The following PIGS variants were observed in gnomAD, a reference collection of about 807,000 sequenced individuals.
PIGS encodes the protein phosphatidylinositol glycan anchor biosynthesis class S.
In PIGS, 37 loss-of-function variants were observed where a neutral mutation model predicts 58.2. The ratio of observed to expected loss-of-function variants is 0.64; its 90% CI spans 0.49 to 0.84. The LOEUF is 0.84. PIGS is among the 40% of genes least tolerant of loss of function. The pLI is 0.00. For synonymous variants in PIGS, 269 were observed against 289.2 expected, an observed-to-expected ratio of 0.93 and a Z score of 0.71; for missense variants, 629 against 710.8, an observed-to-expected ratio of 0.88 and a Z score of 1.31.
intron 6 of PIGS, among the ~76,000 whole-genome samples, chr17:28,560,877 G>A (rs762760387): frequency 4.6e-5 from 7 of 152,034 alleles, no homozygotes; most frequent in Non-Finnish European, 7.4e-5. Context: ...TCACTTGAAC[G>A]TGGGAAGCAG....
chr17:28,571,284 G>A (rs1158684395), intron 1 of PIGS, 96 bp from the exon 2 acceptor site: 4 of 1,537,952 alleles, frequency 2.6e-6, no homozygotes, highest in African/African-American at 2.7e-5. Context: ...GCCTCCAGGG[G>A]CCCGCGTTCA....
At chr17:28,556,447 C>T in intron 9 of PIGS, 181 bp from the exon 10 acceptor site, 1 of 708,276 alleles carries the variant, frequency 1.4e-6, no homozygotes. Context: ...ATCCCAATTA[C>T]CCCCTTGAAA....
rs1241081769 is a variant in PIGS at position 28,554,094 on chromosome 17, G to A, written c.*126C>T. ...GGAGTGTTGTACTTTGGTTGCTGGA[G>A]AGCCAACAGTGGAGACTGGAGACAA... On this transcript the variant is annotated 3_prime_UTR_variant, in exon 12 of 12. Transcript: ENST00000308360. 3.1e-6 allele frequency: 4 copies of A among 1,276,740 alleles called. No homozygotes were observed. The African/African-American group carries it at 4.5e-5, about 14-fold the overall frequency. 79.1% of individuals were successfully genotyped at this position (1,276,740 alleles called of 1,614,324 possible). A position where few individuals can be genotyped will look rare whatever the true frequency, so the allele number is the denominator to read the frequency against.
Position 28,571,433 on chromosome 17 carries a change from TGCAGGCCCCCCACCCG to T in PIGS, c.34+14_34+29del. The T allele has an allele frequency of 6.2e-7, 1 of 1,608,326 alleles. No homozygotes were observed. Among genetic ancestry groups the T allele is most frequent in the Non-Finnish European group, 8.5e-7 (1 of 1,177,588 alleles). On this transcript the variant is annotated intron_variant, in intron 1 of 11. Coordinates refer to ENST00000308360, the MANE Select transcript of PIGS (RefSeq NM_033198.4). ...TATTCCTCCCTTGCCATCAGCTAGC[TGCAGGCCCCCCACCCG>T]AAGCCCACCGCACCTAGGTGTGTAG... is the stretch of plus-strand genomic sequence containing the variant.
At chr17:28,570,408 G>A (rs913724768) in intron 3 of PIGS, among the ~76,000 whole-genome samples, 1 of 152,218 alleles carries the variant, frequency 6.6e-6, no homozygotes, top group African/African-American at 2.4e-5. Context: ...CTACTCGGGT[G>A]GCTGGTGCAG....
At position 28,560,099 on chromosome 17, in the gene PIGS, G is replaced by T; in HGVS notation, c.769C>A (p.Pro257Thr). 1 of 1,613,288 alleles carries T rather than the reference G, an allele frequency of 6.2e-7. No homozygotes were observed. The highest frequency in any genetic ancestry group is 8.5e-7 in the Non-Finnish European group (1 of 1,179,668). The part of the protein sequence containing the change: ...IEGAVRRYVQ[P>T]FLNALGAAGN... The stretch of plus-strand genomic sequence containing the variant: ...GCGGCACCGAGGGCATTCAGGAAAG[G>T]TTGCACATAGCGCCGGACAGCCCCC... Residue 257 changes from proline to threonine, a missense_variant, in exon 7 of 12, where the codon CCT becomes ACT. Physicochemically the swap from Pro to Thr is conservative, Grantham distance 38. Coordinates refer to ENST00000308360, the MANE Select transcript of PIGS (RefSeq NM_033198.4).
chr17:28,554,299 G>A lies in PIGS; in HGVS notation c.1589C>T (p.Ala530Val), dbSNP rs753628870. 3.7e-6 allele frequency: 6 copies of A among 1,614,226 alleles called. No individual in the cohort carries two copies. Among genetic ancestry groups the A allele is most frequent in the Non-Finnish European group, 3.4e-6 (4 of 1,180,022 alleles). ...AIYIPLFLPM[A>V]VPILLSLVKI... ...GACCAGGGACAGGAGGATGGGCACAGCCATAGGCAGGAAGAGTGGGATGTA... is the reference window on the plus strand; with the variant it reads ...GACCAGGGACAGGAGGATGGGCACAACCATAGGCAGGAAGAGTGGGATGTA... Residue 530 changes from alanine to valine, a missense_variant, in exon 12 of 12, where the codon GCT (alanine) becomes GTT (valine). Transcript: ENST00000308360.
chr17:28,559,217 C>T lies in PIGS; in HGVS notation c.820-627G>A, dbSNP rs557004902. On this transcript the variant is annotated intron_variant, in intron 7 of 11. Coordinates refer to ENST00000308360, the MANE Select transcript of PIGS (RefSeq NM_033198.4). ...GTCTTGATCTCCTAACCTCGTGATC[C>T]GCCTGCCTCAGCCTCCCAAAGTGCT... Among the ~76,000 whole-genome samples, 5 of 151,962 alleles carry T rather than the reference C, an allele frequency of 3.3e-5. No individual in the cohort carries two copies. In the East Asian group the frequency reaches 9.8e-4, roughly 30 times the overall value.
At chr17:28,562,103 T>C (rs1245354536) in intron 5 of PIGS, among the ~76,000 whole-genome samples, 1 of 152,240 alleles carries the variant, frequency 6.6e-6, no homozygotes, top group Non-Finnish European at 1.5e-5. Context: ...TTCAACTACA[T>C]AATTATGGAT....
chr17:28,570,508 C>T (rs746930762), intron 3 of PIGS, among the ~76,000 whole-genome samples: 1 of 152,200 alleles, frequency 6.6e-6, no homozygotes, highest in Non-Finnish European at 1.5e-5. Flanking sequence ...GAAGCTCCGT[C>T]TCAAAATATA....
At position 28,553,492 on chromosome 17, in the gene PIGS, ACAT is replaced by A. The variant is rs1199881494; in HGVS notation, c.*725_*727del. ...TCCTCACAACCATCTTGTAAGGGAG[ACAT>A]CATCAGTGCCATTTGAACAAATGAA... On this transcript the variant is annotated 3_prime_UTR_variant, in exon 12 of 12. Transcript: ENST00000308360. 2.0e-5 allele frequency: 3 copies of A among 152,710 alleles called. No homozygotes were observed. The highest frequency in any genetic ancestry group is 7.2e-5 in the African/African-American group (3 of 41,416). The allele number at this position is 152,710 out of a possible 1,614,324, so 9.5% of individuals were successfully genotyped here.
At position 28,556,889 on chromosome 17, in the gene PIGS, C is replaced by A. The variant is rs148624723; in HGVS notation, c.1018G>T (p.Asp340Tyr). 1.9e-6 allele frequency: 3 copies of A among 1,614,132 alleles called. No homozygotes were observed. In the East Asian group the frequency reaches 6.7e-5, roughly 36 times the overall value. ...GTGGCCACTGGAGCGCCATCCTTGTCCTGAATGTACAGCGGTGAGTGTGCA... is the reference window on the plus strand; with the variant it reads ...GTGGCCACTGGAGCGCCATCCTTGTACTGAATGTACAGCGGTGAGTGTGCA... Reference protein sequence around the residue: ...ELAHSPLYIQDKDGAPVATNA... With the variant: ...ELAHSPLYIQYKDGAPVATNA... The change falls in exon 9 of 12, where the codon GAC becomes TAC. Residue 340 changes from aspartate (D) to tyrosine (Y), a missense_variant. Transcript: ENST00000308360.
chr17:28,563,987 G>A, intron 3 of PIGS, 80 bp from the exon 4 acceptor site: 1 of 1,222,954 alleles, frequency 8.2e-7, no homozygotes, highest in Non-Finnish European at 1.2e-6. Context: ...ACACTGTCCA[G>A]CATCTGAGGA....
chr17:28,571,186 C>A lies in PIGS; in HGVS notation c.37G>T (p.Val13Leu), dbSNP rs772236765. 15 of 1,612,680 alleles carry A rather than the reference C, an allele frequency of 9.3e-6. No individual in the cohort carries two copies. In the African/African-American group the frequency reaches 1.6e-4, roughly 17 times the overall value. ...AAGAAATHLE[V>L]ARGKRAALFF... ...AGGGCGGCGCGCTTGCCCCGGGCCA[C>A]CTCTGAGGGCATGGGGAACCGACTG... Residue 13 changes from valine (V) to leucine (L), a missense_variant and splice_region_variant, in exon 2 of 12, where the codon GTG (valine) becomes TTG (leucine). Val to Leu is a conservative substitution (Grantham distance 32). Coordinates refer to ENST00000308360, the MANE Select transcript of PIGS (RefSeq NM_033198.4).
At position 28,554,326 on chromosome 17, in the gene PIGS, A is replaced by G; in HGVS notation, c.1562T>C (p.Ile521Thr). The G allele has an allele frequency of 6.2e-7, 1 of 1,614,168 alleles. No homozygotes were observed. The highest frequency in any genetic ancestry group is 8.5e-7 in the Non-Finnish European group (1 of 1,180,028). The change falls in exon 12 of 12, where the codon ATC becomes ACC. Residue 521 changes from isoleucine to threonine, a missense_variant. Physicochemically the swap from Ile to Thr is moderately conservative, Grantham distance 89. Transcript: ENST00000308360. Reference sequence around the variant, plus strand: ...CATAGGCAGGAAGAGTGGGATGTAGATGGCAAACTTCTGGTCATCAGGGAA... The same window carrying G: ...CATAGGCAGGAAGAGTGGGATGTAGGTGGCAAACTTCTGGTCATCAGGGAA... ...LYFPDDQKFA[I>T]YIPLFLPMAV...
In PIGS at chr17:28,560,210, G is replaced by A; in HGVS notation, c.677-19C>T. ...TCATAGCCTACAGAAACAGGAGTCA[G>A]GGAAGTCAGAGGCTCTTGTGGATCA... On this transcript the variant is annotated intron_variant, in intron 6 of 11. Coordinates refer to ENST00000308360, the MANE Select transcript of PIGS (RefSeq NM_033198.4). 1 of 1,607,760 alleles carries A rather than the reference G, an allele frequency of 6.2e-7. No homozygotes were observed.
intron 9 of PIGS, chr17:28,556,470 A>T: frequency 5.6e-6 from 4 of 714,898 alleles, no homozygotes; most frequent in East Asian, 2.6e-5. Context: ...CCTGTAGAAC[A>T]TATTTTTTTC....
At chr17:28,571,341 TCGTCTGAAGAGACCCCCGAGCCCCC>T in intron 1 of PIGS, 97 bp downstream of exon 1, 1 of 1,518,242 alleles carries the variant, frequency 6.6e-7, no homozygotes, top group Non-Finnish European at 8.9e-7. Context: ...GAAGGGAATC[TCGTCTGAAGAGACCCCCGAGCCCCC>T]CGTCCGCGGG....
chr17:28,571,125 G>A lies in PIGS; in HGVS notation c.98C>T (p.Pro33Leu), dbSNP rs1421876778. 6.2e-7 allele frequency: 1 copy of A among 1,613,964 alleles called. No homozygotes were observed. Among genetic ancestry groups the A allele is most frequent in the Admixed American group, 1.7e-5 (1 of 60,030 alleles). Residue 33 changes from proline (P) to leucine (L), a missense_variant, in exon 2 of 12, where the codon CCG becomes CTG. Pro to Leu is a moderately conservative substitution (Grantham distance 98). Coordinates refer to ENST00000308360, the MANE Select transcript of PIGS (RefSeq NM_033198.4). Reference protein sequence around the residue: ...FAAVAIVLGLPLWWKTTETYR... With the variant: ...FAAVAIVLGLLLWWKTTETYR... Reference sequence around the variant, plus strand: ...GGTCTCCGTGGTCTTCCACCAGAGCGGTAGCCCCAGCACGATGGCCACCGC... The same window carrying A: ...GGTCTCCGTGGTCTTCCACCAGAGCAGTAGCCCCAGCACGATGGCCACCGC...
Sources: gnomAD v4.1 joint callset for allele counts (sites outside exome capture counted in the v4.1 genomes callset) on GRCh38, gnomAD v4.1.1 for gene constraint, MANE v1.5 for transcripts, NCBI Gene and HGNC (gene_info 2026-07-23, HGNC 2026-07-21) for gene names.